The following DERA variants were observed in gnomAD, a reference collection of about 807,000 sequenced individuals.
The protein encoded by DERA is 2-deoxy-D-ribose 5-phosphate aldolase.
A neutral mutation model predicts 41.1 loss-of-function variants in DERA; 15 were observed. That is an observed-to-expected ratio of 0.37 (90% CI 0.24 to 0.56). DERA has a LOEUF of 0.56. DERA is among the 20% of genes least tolerant of loss of function. The pLI, the probability that DERA is intolerant of heterozygous loss-of-function variation, is 0.81. For synonymous variants in DERA, 139 were observed against 137.4 expected (o/e 1.01, Z -0.08); for missense variants, 396 against 403.4 (o/e 0.98, Z 0.16).
In DERA at chr12:16,013,882, G is replaced by A. The variant is rs749958894; in HGVS notation, c.638-18660G>A. Among the ~76,000 whole-genome samples, 1 of 152,190 alleles carries A rather than the reference G, an allele frequency of 6.6e-6. No individual in the cohort carries two copies. Among genetic ancestry groups the A allele is most frequent in the Non-Finnish European group, 1.5e-5 (1 of 68,042 alleles). On this transcript the variant is annotated intron_variant, in intron 6 of 8. Transcript: ENST00000428559. This position sits in a 1 kb window ranked among gnomAD's most constrained non-coding sequence, Gnocchi z 5.8. The stretch of plus-strand genomic sequence containing the variant: ...CAGGTGGAGATCAGGAACTTGTAGA[G>A]GACTGGAGCAAAGGTCACTCTTGCT...
rs530625587 is a variant in DERA, at chr12:15,966,280, A to G, written c.508+3333A>G. 9.2e-5 allele frequency among the ~76,000 whole-genome samples: 14 copies of G among 152,166 alleles called. No homozygotes were observed. Among genetic ancestry groups the G allele is most frequent in the African/African-American group, 3.4e-4 (14 of 41,536 alleles). On this transcript the variant is annotated intron_variant, in intron 5 of 8. Coordinates refer to ENST00000428559, the MANE Select transcript of DERA (RefSeq NM_015954.4). This position sits in a 1 kb window ranked among gnomAD's most constrained non-coding sequence, Gnocchi z 5.1. ...GGAGTTTGAGACCAGCCTGGCCAAC[A>G]TGGCAAAACCCTATCTCTACTAAAT...
Position 16,013,352 on chromosome 12 carries a change from G to A in DERA, c.638-19190G>A, listed in dbSNP as rs1948959097. On this transcript the variant is annotated intron_variant, in intron 6 of 8. Coordinates refer to ENST00000428559, the MANE Select transcript of DERA (RefSeq NM_015954.4). The surrounding 1 kb of genome is among the most constrained non-coding windows in gnomAD (Gnocchi z 5.8). The stretch of plus-strand genomic sequence containing the variant: ...ATGTTAAAGGTGAGACCAGGTGGAG[G>A]TAATTGAATCATGAGGGCAGTTTCC... 6.6e-6 allele frequency among the ~76,000 whole-genome samples: 1 copy of A among 152,174 alleles called. No individual in the cohort carries two copies. The highest frequency in any genetic ancestry group is 6.5e-5 in the Admixed American group (1 of 15,282).
intron 6 of DERA, among the ~76,000 whole-genome samples, chr12:16,018,236 C>A (rs1197497162): frequency 6.6e-6 from 1 of 152,016 alleles, no homozygotes; most frequent in Admixed American, 6.5e-5. Flanking sequence ...ATGAGATTTT[C>A]AAAATTGAAT....
chr12:15,973,272 C>T (rs1327462668), intron 5 of DERA, among the ~76,000 whole-genome samples: 1 of 152,176 alleles, frequency 6.6e-6, no homozygotes, highest in Non-Finnish European at 1.5e-5. Flanking sequence ...CCCTGAAAAC[C>T]TCATTATAAG....
Position 16,003,965 on chromosome 12 carries a change from G to A in DERA, c.637+21529G>A, listed in dbSNP as rs143314667. 6.6e-6 allele frequency among the ~76,000 whole-genome samples: 1 copy of A among 152,138 alleles called. No homozygotes were observed. Among genetic ancestry groups the A allele is most frequent in the Non-Finnish European group, 1.5e-5 (1 of 68,028 alleles). ...TTCCTCTGTTTCCTAAAACATCATTGTGCAGAATGCTTAGAAGGGGTTGGT... is the reference window on the plus strand; with the variant it reads ...TTCCTCTGTTTCCTAAAACATCATTATGCAGAATGCTTAGAAGGGGTTGGT... On this transcript the variant is annotated intron_variant, in intron 6 of 8. Transcript: ENST00000428559. This position sits in a 1 kb window ranked among gnomAD's most constrained non-coding sequence, Gnocchi z 4.8.
rs1021667817 is a variant in DERA, at chr12:16,026,376, T to C, written c.638-6166T>C. On this transcript the variant is annotated intron_variant, in intron 6 of 8. Coordinates refer to ENST00000428559, the MANE Select transcript of DERA (RefSeq NM_015954.4). The surrounding 1 kb of genome is among the most constrained non-coding windows in gnomAD (Gnocchi z 4.4). ...GGGTCATCTCCTCTTCCCATGGATA[T>C]TAAAAGGATTATAAAGGAATGTGTG... Among the ~76,000 whole-genome samples the C allele has an allele frequency of 1.3e-5, 2 of 151,516 alleles. No individual in the cohort carries two copies. The highest frequency in any genetic ancestry group is 2.9e-5 in the Non-Finnish European group (2 of 67,800).
intron 7 of DERA, among the ~76,000 whole-genome samples, chr12:16,034,382 G>A (rs1399640323): frequency 6.6e-6 from 1 of 152,240 alleles, no homozygotes; most frequent in Non-Finnish European, 1.5e-5. Flanking sequence ...CCAGAGTACA[G>A]AGGGAGGGAC....
At chr12:15,914,526 C>T (rs1948186623) in intron 1 of DERA, among the ~76,000 whole-genome samples, 2 of 152,164 alleles carry the variant, frequency 1.3e-5, no homozygotes, top group South Asian at 4.1e-4. Flanking sequence ...TGAAGCTTGG[C>T]ACCTTCTTCC....
intron 6 of DERA, among the ~76,000 whole-genome samples, chr12:15,997,754 C>T (rs1041027799): frequency 2.0e-5 from 3 of 152,142 alleles, no homozygotes; most frequent in African/African-American, 7.2e-5. Context: ...ATGTAGAGAA[C>T]ATACTTTTCA....
chr12:15,925,133 C>T (rs1592000234), intron 1 of DERA, among the ~76,000 whole-genome samples: 1 of 152,274 alleles, frequency 6.6e-6, no homozygotes, highest in Admixed American at 6.5e-5. Flanking sequence ...TCCTGTTACC[C>T]TCCCACCCCC....
At chr12:16,028,610 G>A (rs1292532090) in intron 6 of DERA, among the ~76,000 whole-genome samples, 5 of 152,004 alleles carry the variant, frequency 3.3e-5, no homozygotes, top group South Asian at 2.1e-4. Flanking sequence ...TGGAGAAACC[G>A]AGCCAACACT....
rs1948958510 is a variant in DERA, at chr12:16,013,239, G to C, written c.638-19303G>C. Among the ~76,000 whole-genome samples, 1 of 152,188 alleles carries C rather than the reference G, an allele frequency of 6.6e-6. No homozygotes were observed. The highest frequency in any genetic ancestry group is 2.4e-5 in the African/African-American group (1 of 41,452). Reference sequence around the variant, plus strand: ...AGTAGTAATGCTTAGTTTAATGTGTGACTGCACATGCTGTTCATTTGTGAT... The same window carrying C: ...AGTAGTAATGCTTAGTTTAATGTGTCACTGCACATGCTGTTCATTTGTGAT... On this transcript the variant is annotated intron_variant, in intron 6 of 8. Transcript: ENST00000428559. This position sits in a 1 kb window ranked among gnomAD's most constrained non-coding sequence, Gnocchi z 5.8.
In DERA at chr12:15,913,212, A is replaced by C. The variant is rs1349556117; in HGVS notation, c.31+1798A>C. The stretch of plus-strand genomic sequence containing the variant: ...ACTTCCATTCATTTGTTGAAAAGTA[A>C]TAGACATAAATAATTGCCAGGTAGA... On this transcript the variant is annotated intron_variant, in intron 1 of 8. Coordinates refer to ENST00000428559, the MANE Select transcript of DERA (RefSeq NM_015954.4). The surrounding 1 kb of genome is among the most constrained non-coding windows in gnomAD (Gnocchi z 4.5). Among the ~76,000 whole-genome samples the C allele has an allele frequency of 1.3e-5, 2 of 152,256 alleles. No homozygotes were observed. The highest frequency in any genetic ancestry group is 2.9e-5 in the Non-Finnish European group (2 of 68,040).
chr12:15,968,667 T>A (rs372611644), intron 5 of DERA, among the ~76,000 whole-genome samples: 1 of 152,244 alleles, frequency 6.6e-6, no homozygotes, highest in East Asian at 1.9e-4. Context: ...TTCTGTTCCT[T>A]CTATGTAAAG....
Position 15,965,586 on chromosome 12 carries a change from C to T in DERA, c.508+2639C>T, listed in dbSNP as rs1948616479. On this transcript the variant is annotated intron_variant, in intron 5 of 8. Coordinates refer to ENST00000428559, the MANE Select transcript of DERA (RefSeq NM_015954.4). This position sits in a 1 kb window ranked among gnomAD's most constrained non-coding sequence, Gnocchi z 4.1. ...CATTTCTCATGGATGTGAGAGTCCA[C>T]AGTTTAGGGTATGAATTCGAGGAGA... Among the ~76,000 whole-genome samples the T allele has an allele frequency of 6.6e-6, 1 of 152,078 alleles. No homozygotes were observed. The highest frequency in any genetic ancestry group is 6.6e-5 in the Admixed American group (1 of 15,262).
Position 16,035,066 on chromosome 12 carries a change from G to A in DERA, c.751-1166G>A, listed in dbSNP as rs754621507. On this transcript the variant is annotated intron_variant, in intron 7 of 8. Transcript: ENST00000428559. This position sits in a 1 kb window ranked among gnomAD's most constrained non-coding sequence, Gnocchi z 4.1. ...ATTGAGGCAGGGAAACCAGTTAAAA[G>A]ACTTTTACTGATATTTCCTGTGAGA... Among the ~76,000 whole-genome samples, 1 of 152,152 alleles carries A rather than the reference G, an allele frequency of 6.6e-6. No homozygotes were observed. The highest frequency in any genetic ancestry group is 1.5e-5 in the Non-Finnish European group (1 of 68,036).
intron 1 of DERA, among the ~76,000 whole-genome samples, chr12:15,927,540 A>G (rs1230504445): frequency 1.3e-5 from 2 of 152,216 alleles, no homozygotes; most frequent in African/African-American, 2.4e-5. Flanking sequence ...GTTAGGCATC[A>G]GGAGTAATAT....
At chr12:15,971,098 T>C (rs1948656466) in intron 5 of DERA, among the ~76,000 whole-genome samples, 1 of 152,202 alleles carries the variant, frequency 6.6e-6, no homozygotes, top group Non-Finnish European at 1.5e-5. Flanking sequence ...GTGACAATTC[T>C]CCAGAGACTT....
rs572428672 is a variant in DERA at position 16,007,181 on chromosome 12, T to G, written c.637+24745T>G. The stretch of plus-strand genomic sequence containing the variant: ...CTCTTTTTGGGGTTTTTTTGTTTTT[T>G]TTTTTTTGTTTTTTTTTTTTGAGAC... On this transcript the variant is annotated intron_variant, in intron 6 of 8. Coordinates refer to ENST00000428559, the MANE Select transcript of DERA (RefSeq NM_015954.4). Among the ~76,000 whole-genome samples, 60 of 148,216 alleles carry G rather than the reference T, an allele frequency of 4.0e-4. 1 individual carries two copies. Among genetic ancestry groups the G allele is most frequent in the African/African-American group, 1.5e-3 (57 of 38,920 alleles).
Sources: allele counts gnomAD v4.1 joint callset (sites outside exome capture counted in the v4.1 genomes callset), GRCh38; gene constraint gnomAD v4.1.1; non-coding constraint Gnocchi (gnomAD v3.1); transcripts MANE v1.5; gene names NCBI Gene and HGNC (gene_info 2026-07-23, HGNC 2026-07-21).